RGS6: variants seen among roughly 807,000 people sequenced by gnomAD.
RGS6 encodes the protein regulator of G-protein signaling 6.
Under a neutral mutation model 78.5 loss-of-function variants are expected in RGS6, and 30 were observed. The observed-to-expected ratio is 0.38, with a 90% CI of 0.29 to 0.52. The LOEUF is 0.52. Ranked by LOEUF, RGS6 falls within the 20% of genes least tolerant of loss-of-function variation. The pLI is 0.85. For synonymous variants in RGS6, 206 were observed against 206.0 expected (o/e 1.00, Z 0.00); for missense variants, 495 against 609.7 (o/e 0.81, Z 1.98).
Position 72,174,099 on chromosome 14 carries a change from C to T in RGS6, c.85-177996C>T, listed in dbSNP as rs143895251. On this transcript the variant is annotated intron_variant, in intron 2 of 17. Coordinates refer to ENST00000553525, the MANE Select transcript of RGS6 (RefSeq NM_001204424.2). ...CTCCTGCACTCCTGTGCTTTAAGGG[C>T]GAGAACACATTGGATTCTTTTTTTT... Among the ~76,000 whole-genome samples, 202 of 130,624 alleles carry T rather than the reference C, an allele frequency of 1.5e-3. 1 individual carries two copies. Among genetic ancestry groups the T allele is most frequent in the African/African-American group, 2.9e-3 (100 of 35,052 alleles). 85.7% of individuals were successfully genotyped at this position (130,624 alleles called of 152,430 possible). A position where few individuals can be genotyped will look rare whatever the true frequency, so the allele number is the denominator to read the frequency against.
At chr14:71,942,113 A>G (rs1447450732) in intron 1 of RGS6, among the ~76,000 whole-genome samples, 1 of 152,176 alleles carries the variant, frequency 6.6e-6, no homozygotes, top group Non-Finnish European at 1.5e-5. Flanking sequence ...AGAATTTGGA[A>G]ACATTAAGCC....
intron 2 of RGS6, among the ~76,000 whole-genome samples, chr14:72,006,257 T>G (rs1191165404): frequency 6.6e-6 from 1 of 152,156 alleles, no homozygotes; most frequent in Non-Finnish European, 1.5e-5. Context: ...TAAATCTTAT[T>G]TTAAGTAGTT....
At chr14:72,327,918 T>C (rs2074167080) in intron 2 of RGS6, among the ~76,000 whole-genome samples, 1 of 148,610 alleles carries the variant, frequency 6.7e-6, no homozygotes, top group Admixed American at 6.6e-5. Context: ...CCTAGATATA[T>C]AGATATATAT....
At position 72,518,373 on chromosome 14, in the gene RGS6, C is replaced by G; in HGVS notation, c.1114C>G (p.Leu372Val). Residue 372 changes from leucine to valine, a missense_variant, in exon 15 of 18, where the codon CTT becomes GTT. Coordinates refer to ENST00000553525, the MANE Select transcript of RGS6 (RefSeq NM_001204424.2). ...NLRFWLAVQD[L>V]KKQPLQDVAK... ...CAGGTTCTGGCTGGCTGTCCAAGAT[C>G]TTAAGAAACAACCCCTACAGGATGT... The G allele has an allele frequency of 1.2e-6, 2 of 1,613,932 alleles. No homozygotes were observed. The highest frequency in any genetic ancestry group is 2.2e-5 in the South Asian group (2 of 91,070).
chr14:72,111,476 A>T (rs1395570020), intron 2 of RGS6, among the ~76,000 whole-genome samples: 1 of 152,232 alleles, frequency 6.6e-6, no homozygotes, highest in Non-Finnish European at 1.5e-5. Context: ...TACAAATTAC[A>T]CATCTAATAG....
chr14:71,983,819 A>G (rs1357723051), intron 2 of RGS6, among the ~76,000 whole-genome samples: 1 of 152,250 alleles, frequency 6.6e-6, no homozygotes, highest in East Asian at 1.9e-4. Flanking sequence ...CCCAGGGTTT[A>G]GGACTACAAA....
chr14:72,372,510 A>G (rs536039461), intron 3 of RGS6, among the ~76,000 whole-genome samples: 1 of 152,346 alleles, frequency 6.6e-6, no homozygotes, highest in Admixed American at 6.5e-5. Flanking sequence ...TGGCAGAAAC[A>G]TTTGAGCTTA....
At chr14:71,883,223 C>T in the RGS6 span, among the ~76,000 whole-genome samples, 3 of 152,110 alleles carry the variant, frequency 2.0e-5, no homozygotes, top group South Asian at 2.1e-4. Context: ...GGCTAAAGGC[C>T]GACTAGTTCC....
intron 2 of RGS6, among the ~76,000 whole-genome samples, chr14:72,308,727 C>CAA (rs1052854318): frequency 6.6e-6 from 1 of 152,136 alleles, no homozygotes; most frequent in African/African-American, 2.4e-5. Flanking sequence ...GTCCGGCTCT[C>CAA]AAAATATACA....
chr14:72,069,292 A>AT (rs1301509345), intron 2 of RGS6, among the ~76,000 whole-genome samples: 2 of 151,496 alleles, frequency 1.3e-5, no homozygotes, highest in Admixed American at 6.6e-5. Flanking sequence ...TTAGGTTGAT[A>AT]TTTTTTTTCT....
chr14:72,564,580 C>T lies in RGS6; in HGVS notation c.*2113C>T, dbSNP rs935591232. ...GCAAAGGGTGTTCCCAAGCAGCAGGCACCTCAGTGCCCTCAGTTATCCAGG... is the reference window on the plus strand; with the variant it reads ...GCAAAGGGTGTTCCCAAGCAGCAGGTACCTCAGTGCCCTCAGTTATCCAGG... On this transcript the variant is annotated 3_prime_UTR_variant, in exon 18 of 18. Coordinates refer to ENST00000553525, the MANE Select transcript of RGS6 (RefSeq NM_001204424.2). 2 of 152,268 alleles carry T rather than the reference C, an allele frequency of 1.3e-5. No homozygotes were observed. Among genetic ancestry groups the T allele is most frequent in the Non-Finnish European group, 1.5e-5 (1 of 68,068 alleles). The allele number at this position is 152,268 out of a possible 1,614,324, so 9.4% of individuals were successfully genotyped here. A position where few individuals can be genotyped will look rare whatever the true frequency, so the allele number is the denominator to read the frequency against.
At chr14:72,537,211 TCTC>T (rs1260125921) in intron 16 of RGS6, among the ~76,000 whole-genome samples, 1 of 152,108 alleles carries the variant, frequency 6.6e-6, no homozygotes, top group Non-Finnish European at 1.5e-5. Flanking sequence ...GGCATCCCTT[TCTC>T]CTCCCTCCTG....
At chr14:72,609,464 C>G in the RGS6 span, among the ~76,000 whole-genome samples, 1 of 152,218 alleles carries the variant, frequency 6.6e-6, no homozygotes, top group African/African-American at 2.4e-5. Context: ...ATCACAGAAC[C>G]ATCATGTCCC....
chr14:71,936,658 A>G (rs1175985698), intron 1 of RGS6, among the ~76,000 whole-genome samples: 1 of 152,236 alleles, frequency 6.6e-6, no homozygotes, highest in Admixed American at 6.5e-5. Context: ...CCAATCCCCA[A>G]TGCAAATACT....
At position 72,144,600 on chromosome 14, in the gene RGS6, A is replaced by G. The variant is rs147852660; in HGVS notation, c.84+179725A>G. Among the ~76,000 whole-genome samples the G allele has an allele frequency of 5.3e-4, 81 of 152,354 alleles. No individual in the cohort carries two copies. In the East Asian group the frequency reaches 0.014, roughly 27 times the overall value. Reference sequence around the variant, plus strand: ...TTGGAGCAAGGTATTACATTTAAAGACAGAGAAGAAATGGTTCATCCACTC... The same window carrying G: ...TTGGAGCAAGGTATTACATTTAAAGGCAGAGAAGAAATGGTTCATCCACTC... On this transcript the variant is annotated intron_variant, in intron 2 of 17. Transcript: ENST00000553525.
intron 2 of RGS6, among the ~76,000 whole-genome samples, chr14:72,287,244 T>C (rs192617444): frequency 1.3e-5 from 2 of 152,360 alleles, no homozygotes; most frequent in East Asian, 3.9e-4. Flanking sequence ...GCATATAATA[T>C]CATGTCATCT....
At chr14:72,160,921 A>G (rs929701245) in intron 2 of RGS6, among the ~76,000 whole-genome samples, 3 of 152,240 alleles carry the variant, frequency 2.0e-5, no homozygotes, top group African/African-American at 4.8e-5. Context: ...ATAGAATCCA[A>G]GCACTTAAGA....
At chr14:71,953,261 C>A (rs372556348) in intron 1 of RGS6, among the ~76,000 whole-genome samples, 3 of 152,034 alleles carry the variant, frequency 2.0e-5, no homozygotes, top group African/African-American at 7.2e-5. Flanking sequence ...TGGACTTGTT[C>A]AAGGGACAGA....
intron 2 of RGS6, among the ~76,000 whole-genome samples, chr14:72,266,238 G>A (rs1302386120): frequency 1.3e-5 from 2 of 152,192 alleles, no homozygotes; most frequent in Admixed American, 1.3e-4. Flanking sequence ...TGGAAGGCAT[G>A]TTCAGCTGGG....
Sources: allele counts gnomAD v4.1 joint callset (sites outside exome capture counted in the v4.1 genomes callset), GRCh38; gene constraint gnomAD v4.1.1; transcripts MANE v1.5; gene names NCBI Gene and HGNC (gene_info 2026-07-23, HGNC 2026-07-21).